RAP2A: variants seen among roughly 807,000 people sequenced by gnomAD.
RAP2A encodes the protein ras-related protein Rap-2a.
Under a neutral mutation model 15.1 loss-of-function variants are expected in RAP2A, and 5 were observed. That is an observed-to-expected ratio of 0.33 (90% CI 0.17 to 0.70). The LOEUF (loss-of-function observed/expected upper bound fraction) is 0.70. Among genes scored for constraint, RAP2A ranks in the 30% least tolerant of loss-of-function variants. The probability of loss-of-function intolerance (pLI) is 0.68; values close to 1 mark genes in which losing one functional copy is unlikely to be tolerated. For synonymous variants in RAP2A, 110 were observed against 99.7 expected (o/e 1.10, Z -0.62); for missense variants, 111 against 240.3 (o/e 0.46, Z 3.56).
chr13:97,458,566 T>A (rs1197324063), intron 1 of RAP2A, among the ~76,000 whole-genome samples: 1 of 152,192 alleles, frequency 6.6e-6, no homozygotes, highest in Non-Finnish European at 1.5e-5. Context: ...TCTTCAGAGC[T>A]TATAGATATA....
At position 97,434,453 on chromosome 13, in the gene RAP2A, G is replaced by GGCGGCC. The variant is rs757609120; in HGVS notation, c.-13_-8dup. The GGCGGCC allele has an allele frequency of 6.4e-6, 10 of 1,568,922 alleles. No individual in the cohort carries two copies. The highest frequency in any genetic ancestry group is 1.8e-5 in the Admixed American group (1 of 56,588). ...CTATGTCGCGGGCGGCGGCGGCGGC[G>GGCGGCC]GCGGCCGCGGAGGGACGATGCGCGA... On this transcript the variant is annotated 5_prime_UTR_variant, in exon 1 of 2. Coordinates refer to ENST00000245304, the MANE Select transcript of RAP2A (RefSeq NM_021033.7).
chr13:97,446,908 C>T (rs1487917759), intron 1 of RAP2A, among the ~76,000 whole-genome samples: 1 of 152,188 alleles, frequency 6.6e-6, no homozygotes, highest in African/African-American at 2.4e-5. Flanking sequence ...TGACCCACAG[C>T]ATCATGCAAT....
chr13:97,456,560 G>A lies in RAP2A; in HGVS notation c.315-7645G>A, dbSNP rs140153580. Among the ~76,000 whole-genome samples the A allele has an allele frequency of 1.1e-4, 17 of 152,268 alleles. 2 individuals carry two copies. The highest frequency in any genetic ancestry group is 3.8e-4 in the African/African-American group (16 of 41,560). ...TCATCAGTTGGTCCATTGTGGACCA[G>A]TGGTCCACAATCCAGTGGTCCAATG... On this transcript the variant is annotated intron_variant, in intron 1 of 1. Coordinates refer to ENST00000245304, the MANE Select transcript of RAP2A (RefSeq NM_021033.7).
intron 1 of RAP2A, among the ~76,000 whole-genome samples, chr13:97,445,292 G>A (rs1341091594): frequency 4.0e-5 from 6 of 151,826 alleles, no homozygotes; most frequent in Non-Finnish European, 7.4e-5. Context: ...TTTCTACTTC[G>A]TGAACCAACA....
At chr13:97,434,873 G>A (rs1034877441) in intron 1 of RAP2A, 89 bp downstream of exon 1, 2 of 1,528,348 alleles carry the variant, frequency 1.3e-6, no homozygotes, top group Admixed American at 1.9e-5. Flanking sequence ...CCGGGGAAGG[G>A]GCTTTCTGGG....
chr13:97,441,918 T>C (rs1401800541), intron 1 of RAP2A: 1 of 246,908 alleles, frequency 4.1e-6, no homozygotes, highest in Non-Finnish European at 8.1e-6. Context: ...GTAGGAAATT[T>C]ATCTTGAAAT....
At chr13:97,457,218 C>T (rs2066726566) in intron 1 of RAP2A, among the ~76,000 whole-genome samples, 1 of 151,208 alleles carries the variant, frequency 6.6e-6, no homozygotes, top group South Asian at 2.1e-4. Flanking sequence ...AAAAGGTATG[C>T]AAAAGATTAT....
intron 1 of RAP2A, among the ~76,000 whole-genome samples, chr13:97,463,380 T>C (rs1381445712): frequency 6.6e-6 from 1 of 152,220 alleles, no homozygotes; most frequent in Non-Finnish European, 1.5e-5. Context: ...AGTTTAGCTT[T>C]TTCCAAACGT....
rs370085291 is a variant in RAP2A at position 97,464,424 on chromosome 13, T to A, written c.534T>A (p.Ser178=). Residue 178 remains serine (S), a synonymous_variant, in exon 2 of 2, where the codon TCT becomes TCA. Coordinates refer to ENST00000245304, the MANE Select transcript of RAP2A (RefSeq NM_021033.7). ...CTGACAAAGATGACCCATGCTGTTCTGCATGTAACATACAATAGCATCCAA... is the reference window on the plus strand; with the variant it reads ...CTGACAAAGATGACCCATGCTGTTCAGCATGTAACATACAATAGCATCCAA... ...AQPDKDDPCC[S]ACNIQ The A allele has an allele frequency of 1.1e-5, 18 of 1,614,018 alleles. No homozygotes were observed. The highest frequency in any genetic ancestry group is 1.4e-5 in the Non-Finnish European group (17 of 1,179,928).
intron 1 of RAP2A, among the ~76,000 whole-genome samples, chr13:97,449,440 C>T (rs1054542531): frequency 6.6e-6 from 1 of 152,114 alleles, no homozygotes; most frequent in Non-Finnish European, 1.5e-5. Flanking sequence ...TCCAGTAATT[C>T]CTGTTCTGTC....
At position 97,464,660 on chromosome 13, in the gene RAP2A, C is replaced by T; in HGVS notation, c.*218C>T. On this transcript the variant is annotated 3_prime_UTR_variant, in exon 2 of 2. Coordinates refer to ENST00000245304, the MANE Select transcript of RAP2A (RefSeq NM_021033.7). ...CCATTTGTCCTCAGTCTCCTTTATG[C>T]ATCTGCAACTTTAAGGCATAGTCCA... 1 of 572,670 alleles carries T rather than the reference C, an allele frequency of 1.7e-6. No homozygotes were observed. The highest frequency in any genetic ancestry group is 3.1e-6 in the Non-Finnish European group (1 of 322,438). The allele number at this position is 572,670 out of a possible 1,614,324, so 35.5% of individuals were successfully genotyped here.
rs901143256 is a variant in RAP2A, at chr13:97,467,049, G to C, written c.*2607G>C. ...TTTATTTTATGCCCTGATCAGACTA[G>C]CAACTTAGATAAGTGAAAGTTTTTC... On this transcript the variant is annotated 3_prime_UTR_variant, in exon 2 of 2. Coordinates refer to ENST00000245304, the MANE Select transcript of RAP2A (RefSeq NM_021033.7). 1.3e-5 allele frequency: 2 copies of C among 152,608 alleles called. No individual in the cohort carries two copies. Among genetic ancestry groups the C allele is most frequent in the African/African-American group, 4.8e-5 (2 of 41,440 alleles). 9.5% of individuals were successfully genotyped at this position (152,608 alleles called of 1,614,324 possible). A position where few individuals can be genotyped will look rare whatever the true frequency, so the allele number is the denominator to read the frequency against.
chr13:97,434,833 T>C (rs1271271366), intron 1 of RAP2A, 49 bp downstream of exon 1: 1 of 1,598,776 alleles, frequency 6.3e-7, no homozygotes. Context: ...GGAGTCACCG[T>C]CCCGGGGCTG....
chr13:97,467,686 TTTA>T lies in RAP2A; in HGVS notation c.*3247_*3249del, dbSNP rs2066778337. The T allele has an allele frequency of 6.6e-6, 1 of 152,294 alleles. No individual in the cohort carries two copies. Among genetic ancestry groups the T allele is most frequent in the African/African-American group, 2.4e-5 (1 of 41,366 alleles). 9.4% of individuals were successfully genotyped at this position (152,294 alleles called of 1,614,324 possible). On this transcript the variant is annotated 3_prime_UTR_variant, in exon 2 of 2. Coordinates refer to ENST00000245304, the MANE Select transcript of RAP2A (RefSeq NM_021033.7). ...TAAGGACTATGGAGGTCTTTTTTTT[TTTA>T]TTTAACATGTCATTGTTCATCTATT...
At chr13:97,454,425 T>G (rs1344235654) in intron 1 of RAP2A, among the ~76,000 whole-genome samples, 5 of 151,178 alleles carry the variant, frequency 3.3e-5, no homozygotes, top group Non-Finnish European at 7.4e-5. Context: ...ATGTCTAATT[T>G]TTTATATTTT....
chr13:97,457,434 A>G (rs1305719506), intron 1 of RAP2A, among the ~76,000 whole-genome samples: 1 of 152,000 alleles, frequency 6.6e-6, no homozygotes, highest in East Asian at 1.9e-4. Context: ...ATGGAATGCT[A>G]CCTAGCCATT....
chr13:97,445,259 C>T (rs977921203), intron 1 of RAP2A, among the ~76,000 whole-genome samples: 2 of 152,120 alleles, frequency 1.3e-5, no homozygotes, highest in Non-Finnish European at 2.9e-5. Flanking sequence ...CTCAATGATC[C>T]ACTTACACTC....
intron 1 of RAP2A, among the ~76,000 whole-genome samples, chr13:97,461,896 G>A (rs1048881729): frequency 1.3e-5 from 2 of 150,288 alleles, no homozygotes; most frequent in African/African-American, 4.9e-5. Flanking sequence ...CCGGGAGGCG[G>A]AGCTTGCAGT....
chr13:97,467,922 T>C lies in RAP2A; in HGVS notation c.*3480T>C, dbSNP rs1475771396. 6.6e-6 allele frequency: 1 copy of C among 152,654 alleles called. No homozygotes were observed. Among genetic ancestry groups the C allele is most frequent in the East Asian group, 1.9e-4 (1 of 5,206 alleles). The allele number at this position is 152,654 out of a possible 1,614,324, so 9.5% of individuals were successfully genotyped here. A position where few individuals can be genotyped will look rare whatever the true frequency, so the allele number is the denominator to read the frequency against. The stretch of plus-strand genomic sequence containing the variant: ...TCAATTAAAACATGAATTGTAGTTA[T>C]AACTCAATGCAAATTCAACAGTTGT... On this transcript the variant is annotated 3_prime_UTR_variant, in exon 2 of 2. Coordinates refer to ENST00000245304, the MANE Select transcript of RAP2A (RefSeq NM_021033.7).
Sources: allele counts gnomAD v4.1 joint callset (sites outside exome capture counted in the v4.1 genomes callset), GRCh38; gene constraint gnomAD v4.1.1; transcripts MANE v1.5; gene names NCBI Gene and HGNC (gene_info 2026-07-23, HGNC 2026-07-21).